ADAMTS16: variants seen among roughly 807,000 people sequenced by gnomAD.
ADAMTS16 encodes the protein ADAM metallopeptidase with thrombospondin type 1 motif 16, also known as A disintegrin and metalloproteinase with thrombospondin motifs 16.
Under a neutral mutation model 145.8 loss-of-function variants are expected in ADAMTS16, and 94 were observed. The observed-to-expected ratio is 0.64, with a 90% CI of 0.55 to 0.77. The LOEUF is 0.77. Among genes scored for constraint, ADAMTS16 ranks in the 30% least tolerant of loss-of-function variants. The pLI is 0.00. For missense variants in ADAMTS16, 1,585 were observed against 1,591.5 expected (o/e 1.00, Z 0.07); for synonymous variants, 659 against 604.3 (o/e 1.09, Z -1.33).
chr5:5,233,520 T>C (rs1266664619), intron 12 of ADAMTS16, among the ~76,000 whole-genome samples: 1 of 152,138 alleles, frequency 6.6e-6, no homozygotes, highest in Non-Finnish European at 1.5e-5. Context: ...GGCCACAGTG[T>C]GTATTGTTTC....
chr5:5,184,015 C>T (rs2399716), intron 4 of ADAMTS16, among the ~76,000 whole-genome samples: 137,070 of 152,258 alleles, frequency 0.9, 61,809 homozygotes, highest in African/African-American at 0.96. Flanking sequence ...CAAATATTTC[C>T]GTCCCCCCTG....
chr5:5,215,855 ATGTGGTG>A, intron 10 of ADAMTS16, among the ~76,000 whole-genome samples: 1 of 125,188 alleles, frequency 8.0e-6, no homozygotes, highest in African/African-American at 3.4e-5. Flanking sequence ...ATATATATAT[ATGTGGTG>A]TGTATGTGTA....
At chr5:5,255,222 A>G (rs1390938268) in intron 17 of ADAMTS16, among the ~76,000 whole-genome samples, 3 of 152,190 alleles carry the variant, frequency 2.0e-5, no homozygotes, top group East Asian at 1.9e-4. Flanking sequence ...GTTTGTACTT[A>G]CTACTTATAT....
chr5:5,173,233 T>C (rs530800106), intron 3 of ADAMTS16, among the ~76,000 whole-genome samples: 2 of 152,078 alleles, frequency 1.3e-5, no homozygotes, highest in South Asian at 4.2e-4. Context: ...CTGGAGAATT[T>C]AGTCCATTTA....
intron 8 of ADAMTS16, among the ~76,000 whole-genome samples, chr5:5,192,628 C>A (rs559799129): frequency 2.0e-5 from 3 of 152,070 alleles, no homozygotes; most frequent in Non-Finnish European, 4.4e-5. Flanking sequence ...TCAGGGAGCC[C>A]CACGAGCCTG....
At position 5,197,304 on chromosome 5, in the gene ADAMTS16, AT is replaced by A. The variant is rs201391787; in HGVS notation, c.1314-2827del. ...CAATAGTAATTGAATCACTCAAAAA[AT>A]ATTGTAGAAGATGATAAAAGCATGA... On this transcript the variant is annotated intron_variant, in intron 8 of 22. Transcript: ENST00000274181. Among the ~76,000 whole-genome samples, 48 of 152,340 alleles carry A rather than the reference AT, an allele frequency of 3.2e-4. No homozygotes were observed. In the East Asian group the frequency reaches 8.7e-3, roughly 28 times the overall value.
chr5:5,211,220 T>C (rs1436076455), intron 10 of ADAMTS16, among the ~76,000 whole-genome samples: 1 of 152,146 alleles, frequency 6.6e-6, no homozygotes, highest in African/African-American at 2.4e-5. Context: ...ATGGAAAGGT[T>C]TTTGTAATTA....
At chr5:5,256,844 G>A (rs150615235) in intron 17 of ADAMTS16, among the ~76,000 whole-genome samples, 2,310 of 152,250 alleles carry the variant, frequency 0.015, 25 homozygotes, top group Non-Finnish European at 0.021. Flanking sequence ...CTAAAAAGCC[G>A]TAAGAGTTTG....
chr5:5,203,657 A>C (rs1380517187), intron 9 of ADAMTS16, among the ~76,000 whole-genome samples: 1 of 152,212 alleles, frequency 6.6e-6, no homozygotes, highest in Non-Finnish European at 1.5e-5. Flanking sequence ...AGACCTCATC[A>C]CATTACTCAT....
chr5:5,266,802 C>T lies in ADAMTS16; in HGVS notation c.2789+4019C>T, dbSNP rs151001267. 2.4e-3 allele frequency among the ~76,000 whole-genome samples: 373 copies of T among 152,314 alleles called. 2 individuals carry two copies. The highest frequency in any genetic ancestry group is 8.4e-3 in the African/African-American group (348 of 41,578). On this transcript the variant is annotated intron_variant, in intron 18 of 22. Coordinates refer to ENST00000274181, the MANE Select transcript of ADAMTS16 (RefSeq NM_139056.4). ...TATGTGGCGCTCGTTTACTGTCACTCTTAGTGGTTTGCTGTTTCTATATCA... is the reference window on the plus strand; with the variant it reads ...TATGTGGCGCTCGTTTACTGTCACTTTTAGTGGTTTGCTGTTTCTATATCA...
chr5:5,153,237 G>C (rs1250726732), intron 3 of ADAMTS16, among the ~76,000 whole-genome samples: 1 of 152,208 alleles, frequency 6.6e-6, no homozygotes, highest in Admixed American at 6.5e-5. Context: ...TTTGCAGTTT[G>C]TAATGTTAAA....
chr5:5,280,195 T>G (rs972013505), intron 18 of ADAMTS16, among the ~76,000 whole-genome samples: 1 of 152,088 alleles, frequency 6.6e-6, no homozygotes, highest in Non-Finnish European at 1.5e-5. Flanking sequence ...TAAGACTGAG[T>G]CACCAAGACT....
In ADAMTS16 at chr5:5,262,904, A is replaced by G. The variant is rs1275538466; in HGVS notation, c.2789+121A>G. 8 of 1,428,208 alleles carry G rather than the reference A, an allele frequency of 5.6e-6. No individual in the cohort carries two copies. In the East Asian group the frequency reaches 1.6e-4, roughly 29 times the overall value. The allele number at this position is 1,428,208 out of a possible 1,614,324, so 88.5% of individuals were successfully genotyped here. A position where few individuals can be genotyped will look rare whatever the true frequency, so the allele number is the denominator to read the frequency against. ...GCCATCATGTCACTCATAACAGTGG[A>G]GAAGCAAAGGGGACAAGAGCTGCCT... On this transcript the variant is annotated intron_variant, in intron 18 of 22. Transcript: ENST00000274181.
chr5:5,303,304 G>A lies in ADAMTS16; in HGVS notation c.2826G>A (p.Thr942=), dbSNP rs761762022. 2.4e-5 allele frequency: 39 copies of A among 1,595,634 alleles called. No homozygotes were observed. Among genetic ancestry groups the A allele is most frequent in the South Asian group, 2.0e-4 (18 of 88,912 alleles). Residue 942 remains threonine, a synonymous_variant, in exon 19 of 23, where the codon ACG becomes ACA. Transcript: ENST00000274181. ...GGAACTGGAGTGCCTGCAGTCGGAC[G>A]TGTGGCGGGGGTGCCCAGAGCCGCC... ...SVGNWSACSR[T]CGGGAQSRPV...
chr5:5,252,415 G>T (rs1304423904), intron 17 of ADAMTS16, among the ~76,000 whole-genome samples: 2 of 152,118 alleles, frequency 1.3e-5, no homozygotes, highest in Non-Finnish European at 2.9e-5. Flanking sequence ...ATTTTAAAGT[G>T]GCATTTCAGG....
chr5:5,295,815 C>T lies in ADAMTS16; in HGVS notation c.2790-7453C>T, dbSNP rs138405823. Among the ~76,000 whole-genome samples, 652 of 152,316 alleles carry T rather than the reference C, an allele frequency of 4.3e-3. 2 individuals are homozygous for T. Among genetic ancestry groups the T allele is most frequent in the Non-Finnish European group, 7.7e-3 (523 of 68,036 alleles). ...CAGAGAGTAGAAAGCCGAAGGGTCT[C>T]GCACAGGAAGTTATATACCCAGTGG... On this transcript the variant is annotated intron_variant, in intron 18 of 22. Coordinates refer to ENST00000274181, the MANE Select transcript of ADAMTS16 (RefSeq NM_139056.4).
intron 3 of ADAMTS16, among the ~76,000 whole-genome samples, chr5:5,152,188 T>C (rs575734075): frequency 6.6e-6 from 1 of 152,378 alleles, no homozygotes; most frequent in Admixed American, 6.5e-5. Flanking sequence ...TCCTTGTTCA[T>C]GCAGCCTGTC....
intron 18 of ADAMTS16, among the ~76,000 whole-genome samples, chr5:5,285,451 G>A (rs1179637258): frequency 6.6e-6 from 1 of 152,198 alleles, no homozygotes; most frequent in Non-Finnish European, 1.5e-5. Flanking sequence ...CCGACTGCCT[G>A]TCTGTGCTGG....
intron 18 of ADAMTS16, among the ~76,000 whole-genome samples, chr5:5,272,002 C>T (rs1423329719): frequency 6.6e-6 from 1 of 152,170 alleles, no homozygotes; most frequent in Non-Finnish European, 1.5e-5. Flanking sequence ...ATTTCCACTG[C>T]TCTCCTATAG....
Sources: gnomAD v4.1 joint callset for allele counts (sites outside exome capture counted in the v4.1 genomes callset) on GRCh38, gnomAD v4.1.1 for gene constraint, MANE v1.5 for transcripts, NCBI Gene and HGNC (gene_info 2026-07-23, HGNC 2026-07-21) for gene names.